The following ARV1 variants were observed in gnomAD, a reference collection of about 807,000 sequenced individuals.
ARV1 encodes protein ARV1.
A neutral mutation model predicts 31.1 loss-of-function variants in ARV1; 26 were observed. The ratio of observed to expected loss-of-function variants is 0.84; its 90% CI spans 0.61 to 1.16. The LOEUF is 1.16. ARV1 is among the 50% of genes most tolerant of loss of function. The pLI is 0.00. For missense variants in ARV1, 281 were observed against 324.9 expected (o/e 0.86, Z 1.04); for synonymous variants, 117 against 123.2 (o/e 0.95, Z 0.34).
rs533727838 is a variant in ARV1, at chr1:230,982,621, G to A, written c.174+3342G>A. 1.1e-4 allele frequency among the ~76,000 whole-genome samples: 16 copies of A among 152,178 alleles called. No homozygotes were observed. In the South Asian group the frequency reaches 1.7e-3, roughly 16 times the overall value. On this transcript the variant is annotated intron_variant, in intron 1 of 5. Coordinates refer to ENST00000310256, the MANE Select transcript of ARV1 (RefSeq NM_022786.3). ...TGGTGGCACAGTACTTTATGGATTCGTTATTGTCCACAGTCATTCCATAAT... is the reference window on the plus strand; with the variant it reads ...TGGTGGCACAGTACTTTATGGATTCATTATTGTCCACAGTCATTCCATAAT...
intron 3 of ARV1, chr1:230,990,604 G>A: frequency 3.3e-6 from 1 of 300,576 alleles, no homozygotes; most frequent in Non-Finnish European, 6.5e-6. Context: ...GCCTAGGCTG[G>A]AGTGCAGTGG....
chr1:230,991,983 G>A (rs1272573795), intron 3 of ARV1, among the ~76,000 whole-genome samples: 1 of 152,094 alleles, frequency 6.6e-6, no homozygotes, highest in African/African-American at 2.4e-5. Context: ...CTGCCACACT[G>A]TTGCAGGCCA....
intron 3 of ARV1, among the ~76,000 whole-genome samples, chr1:230,995,355 T>C (rs1371318311): frequency 6.6e-6 from 1 of 152,246 alleles, no homozygotes; most frequent in Non-Finnish European, 1.5e-5. Context: ...CTTCCTGTGT[T>C]ATCCCATTCT....
chr1:230,995,595 C>CA (rs1395609185), intron 3 of ARV1, among the ~76,000 whole-genome samples, 165 bp from the exon 4 acceptor site: 1 of 147,976 alleles, frequency 6.8e-6, no homozygotes, highest in African/African-American at 2.5e-5. Context: ...AAAAAAAAAA[C>CA]AACACACAAA....
chr1:230,989,986 C>T, intron 2 of ARV1, 124 bp from the exon 3 acceptor site: 3 of 973,162 alleles, frequency 3.1e-6, no homozygotes, highest in Non-Finnish European at 4.5e-6. Context: ...CAATTAGCCA[C>T]TTAATTGGGC....
At chr1:230,990,945 TA>T (rs1372232091) in intron 3 of ARV1, among the ~76,000 whole-genome samples, 1 of 152,222 alleles carries the variant, frequency 6.6e-6, no homozygotes, top group Admixed American at 6.5e-5. Context: ...TTAATAGAGA[TA>T]ATTGCCAGAC....
rs1162209283 is a variant in ARV1 at position 230,986,668 on chromosome 1, ATTTTTTTTTTTTTTTTT to A, written c.175-1630_175-1614del. On this transcript the variant is annotated intron_variant, in intron 1 of 5. Transcript: ENST00000310256. ...CACCCACAAATGTAATACTTTTCCT[ATTTTTTTTTTTTTTTTT>A]TTTTTTTTTTTTTTTTTTTTTGAGA... 2.9e-3 allele frequency among the ~76,000 whole-genome samples: 181 copies of A among 62,348 alleles called. 6 individuals carry two copies. Among genetic ancestry groups the A allele is most frequent in the African/African-American group, 8.6e-3 (153 of 17,814 alleles). 40.9% of individuals were successfully genotyped at this position (62,348 alleles called of 152,430 possible).
At chr1:230,982,657 G>A (rs1183647007) in intron 1 of ARV1, among the ~76,000 whole-genome samples, 1 of 152,204 alleles carries the variant, frequency 6.6e-6, no homozygotes, top group Non-Finnish European at 1.5e-5. Flanking sequence ...GAGACAGAGT[G>A]TCTAATGGCC....
At chr1:230,990,366 T>C (rs2103050960) in intron 3 of ARV1, 103 bp downstream of exon 3, 2 of 1,430,982 alleles carry the variant, frequency 1.4e-6, no homozygotes, top group Non-Finnish European at 9.6e-7. Context: ...GAAGAGCTAG[T>C]TAATATGGGA....
At chr1:230,995,481 A>G (rs148224929) in intron 3 of ARV1, among the ~76,000 whole-genome samples, 3,108 of 152,248 alleles carry the variant, frequency 0.02, 51 homozygotes, top group Middle Eastern at 0.13. Context: ...GGAACTTCAG[A>G]AAGTTGATGA....
At chr1:230,992,811 C>T (rs1014657806) in intron 3 of ARV1, among the ~76,000 whole-genome samples, 7 of 152,102 alleles carry the variant, frequency 4.6e-5, no homozygotes, top group African/African-American at 1.7e-4. Context: ...AGAGATATAT[C>T]CATGGAAAAT....
In ARV1 at chr1:230,980,381, G is replaced by T. The variant is rs554075798; in HGVS notation, c.174+1102G>T. Among the ~76,000 whole-genome samples, 5 of 151,640 alleles carry T rather than the reference G, an allele frequency of 3.3e-5. No homozygotes were observed. In the South Asian group the frequency reaches 1.0e-3, roughly 32 times the overall value. ...AGATAGAGTTTCCCTCTGTCACCCAGGCTGGAGTGCAGTGGGGCACTCTCA... is the reference window on the plus strand; with the variant it reads ...AGATAGAGTTTCCCTCTGTCACCCATGCTGGAGTGCAGTGGGGCACTCTCA... On this transcript the variant is annotated intron_variant, in intron 1 of 5. Coordinates refer to ENST00000310256, the MANE Select transcript of ARV1 (RefSeq NM_022786.3).
intron 1 of ARV1, among the ~76,000 whole-genome samples, chr1:230,980,950 T>C (rs1678895905): frequency 6.6e-6 from 1 of 152,204 alleles, no homozygotes; most frequent in South Asian, 2.1e-4. Flanking sequence ...CATTAGAAAC[T>C]GTTCTTGTTA....
chr1:230,980,344 TC>T (rs1678837967), intron 1 of ARV1, among the ~76,000 whole-genome samples: 1 of 152,100 alleles, frequency 6.6e-6, no homozygotes, highest in Admixed American at 6.5e-5. Flanking sequence ...TTTCTTTCTT[TC>T]TTTCTTTTTG....
chr1:230,990,575 G>A (rs546507507), intron 3 of ARV1: 1 of 274,980 alleles, frequency 3.6e-6, no homozygotes, highest in Non-Finnish European at 6.9e-6. Context: ...TATTTTTTAA[G>A]ACAGGGTCTC....
Position 230,995,975 on chromosome 1 carries a change from G to A in ARV1, c.664G>A (p.Ala222Thr), listed in dbSNP as rs764736497. The change falls in exon 4 of 6, where the codon GCA (alanine) becomes ACA (threonine). Residue 222 changes from alanine to threonine, a missense_variant. Physicochemically the swap from Ala to Thr is moderately conservative, Grantham distance 58. Transcript: ENST00000310256. The stretch of plus-strand genomic sequence containing the variant: ...ATTTGTTCTTACATCAAATTTTCAG[G>A]CAATTAGAGGTATGTTTATGTGTTT... ...KVFVLTSNFQ[A>T]IRVTLNINRK... is the part of the protein sequence containing the mutation. The A allele has an allele frequency of 3.1e-6, 5 of 1,611,568 alleles. No individual in the cohort carries two copies. The highest frequency in any genetic ancestry group is 3.4e-6 in the Non-Finnish European group (4 of 1,178,350).
intron 1 of ARV1, among the ~76,000 whole-genome samples, chr1:230,986,513 A>G (rs35285819): frequency 0.23 from 34,539 of 151,902 alleles, 4,268 homozygotes; most frequent in Non-Finnish European, 0.28. Context: ...ATGCGTTTGA[A>G]TTGTAGCCAT....
At chr1:230,984,375 T>TGTGTGCGCGTGC (rs1553303992) in intron 1 of ARV1, among the ~76,000 whole-genome samples, 9 of 122,246 alleles carry the variant, frequency 7.4e-5, no homozygotes, top group African/African-American at 2.7e-4. Context: ...TGTGTGTGTG[T>TGTGTGCGCGTGC]GTGTGTGTGT....
In ARV1 at chr1:230,992,573, G is replaced by C. The variant is rs12732752; in HGVS notation, c.448+2310G>C. Among the ~76,000 whole-genome samples the C allele has an allele frequency of 2.6e-5, 4 of 152,144 alleles. No homozygotes were observed. In the East Asian group the frequency reaches 7.7e-4, roughly 29 times the overall value. On this transcript the variant is annotated intron_variant, in intron 3 of 5. Coordinates refer to ENST00000310256, the MANE Select transcript of ARV1 (RefSeq NM_022786.3). ...GGTCAGGGCTCTTTGTGTTAGTCAC[G>C]GTTGTAGCTCAAGCACTTAGGTGCC...
Sources: gnomAD v4.1 joint callset for allele counts (sites outside exome capture counted in the v4.1 genomes callset) on GRCh38, gnomAD v4.1.1 for gene constraint, MANE v1.5 for transcripts, NCBI Gene and HGNC (gene_info 2026-07-23, HGNC 2026-07-21) for gene names.